CFAP47: variants seen among roughly 807,000 people sequenced by gnomAD.
CFAP47 encodes the protein cilia and flagella associated protein 47.
Under a neutral mutation model 148.1 loss-of-function variants are expected in CFAP47, and 29 were observed. That is an observed-to-expected ratio of 0.20 (90% CI 0.15 to 0.27). The LOEUF (loss-of-function observed/expected upper bound fraction) is 0.27, where lower values mean the gene tolerates loss of function less well. CFAP47 is among the 10% of genes least tolerant of loss of function. The pLI is 1.00. For synonymous variants in CFAP47, 664 were observed against 577.3 expected, an observed-to-expected ratio of 1.15 and a Z score of -2.15; for missense variants, 1,872 against 1,697.5, an observed-to-expected ratio of 1.10 and a Z score of -1.81.
chrX:35,981,104 A>G (rs1302312270), intron 15 of CFAP47, among the ~76,000 whole-genome samples: 1 of 109,966 alleles, frequency 9.1e-6, no homozygotes, highest in Non-Finnish European at 1.9e-5. Context: ...ACAAAGGAGG[A>G]AAAGGGGAGT....
At chrX:36,134,031 A>G (rs1270707696) in intron 33 of CFAP47, among the ~76,000 whole-genome samples, 2 of 110,685 alleles carry the variant, frequency 1.8e-5, no homozygotes, top group African/African-American at 6.5e-5. Context: ...AACAATTGGA[A>G]TTTAAAATAA....
chrX:36,225,490 T>TG (rs782233049), intron 45 of CFAP47, among the ~76,000 whole-genome samples: 1 of 111,359 alleles, frequency 9.0e-6, no homozygotes, highest in East Asian at 2.9e-4. Flanking sequence ...TGTTTAAACA[T>TG]GTGGATATGT....
Position 36,179,373 on chromosome X carries a change from G to A in CFAP47, c.6055G>A (p.Val2019Ile). 3.4e-6 allele frequency: 1 copy of A among 296,794 alleles called. No homozygotes were observed. Among genetic ancestry groups the A allele is most frequent in the African/African-American group, 2.7e-5 (1 of 36,951 alleles). 24.5% of individuals were successfully genotyped at this position (296,794 alleles called of 1,213,427 possible). ...SVILVESSTF[V>I]SSPTKLTESR... ...CATTTTGGTGGAATCCTCAACATTT[G>A]TCTCTTCGCCAACGAAGTTAACTGA... The change falls in exon 40 of 64, where the codon GTC becomes ATC. Residue 2019 changes from valine (V) to isoleucine (I), a missense_variant. Coordinates refer to ENST00000378653, the MANE Select transcript of CFAP47 (RefSeq NM_001304548.2).
intron 4 of CFAP47, among the ~76,000 whole-genome samples, chrX:35,949,002 T>A (rs1415895600): frequency 9.0e-6 from 1 of 110,736 alleles, no homozygotes; most frequent in African/African-American, 3.3e-5. Flanking sequence ...CCAAATGGAA[T>A]GTCTAGTTTG....
rs375059601 is a variant in CFAP47, at chrX:36,278,337, C to T, written c.7445-2150C>T. 5.3e-4 allele frequency among the ~76,000 whole-genome samples: 60 copies of T among 112,520 alleles called. No individual in the cohort carries two copies. In the East Asian group the frequency reaches 0.015, roughly 29 times the overall value. ...CCTGCCAGGCTGCTGCCTTGCAGGT[C>T]GATCTCAGACTGCTGCACTAGCAGT... On this transcript the variant is annotated intron_variant, in intron 49 of 63. Coordinates refer to ENST00000378653, the MANE Select transcript of CFAP47 (RefSeq NM_001304548.2).
chrX:36,126,278 G>C (rs1212650590), intron 33 of CFAP47, among the ~76,000 whole-genome samples: 1 of 109,680 alleles, frequency 9.1e-6, no homozygotes, highest in Non-Finnish European at 1.9e-5. Context: ...CCCGGTGTGT[G>C]ATGTTTCCCT....
At chrX:36,124,551 G>A (rs66871933) in intron 33 of CFAP47, among the ~76,000 whole-genome samples, 10,815 of 110,610 alleles carry the variant, frequency 0.098, 1,049 homozygotes, top group African/African-American at 0.3. Context: ...ATTATAACAG[G>A]GCAGCACTGA....
intron 37 of CFAP47, among the ~76,000 whole-genome samples, chrX:36,159,055 ATTT>A (rs758307554): frequency 9.8e-4 from 109 of 111,379 alleles, no homozygotes; most frequent in Non-Finnish European, 1.5e-3. Flanking sequence ...CATTTTTTGA[ATTT>A]TTACTTTCTT....
intron 49 of CFAP47, among the ~76,000 whole-genome samples, chrX:36,259,896 A>G (rs1238751161): frequency 9.0e-6 from 1 of 110,670 alleles, no homozygotes; most frequent in African/African-American, 3.3e-5. Flanking sequence ...CCCAGTGTCT[A>G]TTGCTCCCAT....
chrX:36,250,467 A>G (rs1940677897), intron 48 of CFAP47, among the ~76,000 whole-genome samples: 2 of 110,829 alleles, frequency 1.8e-5, no homozygotes, highest in Admixed American at 1.9e-4. Flanking sequence ...GATAGAAGAA[A>G]TAAGTTCAAG....
chrX:35,934,210 G>A lies in CFAP47; in HGVS notation c.402-7073G>A, dbSNP rs781116828. On this transcript the variant is annotated intron_variant, in intron 2 of 63. Coordinates refer to ENST00000378653, the MANE Select transcript of CFAP47 (RefSeq NM_001304548.2). ...GGGTACCATCCAGGAACAAGGGACT[G>A]GGGTAAAGTACCTTAGAAGTCTACC... 2.7e-5 allele frequency among the ~76,000 whole-genome samples: 3 copies of A among 111,056 alleles called. No homozygotes were observed. The South Asian group carries it at 1.2e-3, about 43-fold the overall frequency.
chrX:36,366,278 A>G (rs1941875057), intron 61 of CFAP47, among the ~76,000 whole-genome samples: 1 of 111,807 alleles, frequency 8.9e-6, no homozygotes, highest in South Asian at 3.7e-4. Flanking sequence ...ACAAGCAAAC[A>G]GATAACCATT....
chrX:36,236,625 G>C, intron 47 of CFAP47, 61 bp from the exon 48 acceptor site: 1 of 480,119 alleles, frequency 2.1e-6, no homozygotes, highest in Non-Finnish European at 3.7e-6. Context: ...TAAGATAGCA[G>C]AGGTTGTTTA....
chrX:36,334,466 C>T (rs1472667078), intron 57 of CFAP47, among the ~76,000 whole-genome samples: 9 of 111,489 alleles, frequency 8.1e-5, no homozygotes, highest in African/African-American at 2.9e-4. Flanking sequence ...TAAAGTTATA[C>T]AATTTTACTT....
In CFAP47 at chrX:36,059,898, C is replaced by T. The variant is rs142416027; in HGVS notation, c.4218-5745C>T. Among the ~76,000 whole-genome samples, 609 of 111,059 alleles carry T rather than the reference C, an allele frequency of 5.5e-3. 6 individuals are homozygous for T. Among genetic ancestry groups the T allele is most frequent in the African/African-American group, 0.019 (576 of 30,575 alleles). ...GTCCTTCAGGTAATGATTGAGTTCT[C>T]GCTCTGTTAGTACCCAGGATAGTTC... On this transcript the variant is annotated intron_variant, in intron 26 of 63. Transcript: ENST00000378653.
rs1556019213 is a variant in CFAP47, at chrX:36,361,391, T to C, written c.8913T>C (p.Ser2971=). Residue 2971 remains serine, a synonymous_variant, in exon 61 of 64, where the codon TCT becomes TCC. Coordinates refer to ENST00000378653, the MANE Select transcript of CFAP47 (RefSeq NM_001304548.2). The part of the protein sequence containing the change: ...EIQFESEAMK[S]KLESCVALYM... ...AATTTGAATCTGAAGCTATGAAGTC[T>C]AAGTTGGAATCCTGTGTAGCTTTAT... 18 of 1,113,401 alleles carry C rather than the reference T, an allele frequency of 1.6e-5. No individual in the cohort carries two copies. In the East Asian group the frequency reaches 5.7e-4, roughly 35 times the overall value. 91.8% of individuals were successfully genotyped at this position (1,113,401 alleles called of 1,213,427 possible).
intron 51 of CFAP47, among the ~76,000 whole-genome samples, chrX:36,287,591 C>T (rs1484758104): frequency 9.0e-6 from 1 of 111,188 alleles, no homozygotes. Flanking sequence ...TAACACATGA[C>T]AGCTGCTAGA....
At chrX:36,065,513 C>T in intron 26 of CFAP47, 130 bp from the exon 27 acceptor site, 5 of 430,624 alleles carry the variant, frequency 1.2e-5, no homozygotes, top group Non-Finnish European at 2.0e-5. Flanking sequence ...GTTAAAAAAA[C>T]AAAGTAAGTA....
At chrX:36,221,493 A>C (rs781980085) in intron 45 of CFAP47, among the ~76,000 whole-genome samples, 6 of 111,646 alleles carry the variant, frequency 5.4e-5, no homozygotes, top group Non-Finnish European at 9.4e-5. Context: ...AAATGGGATA[A>C]AGTGTGGCAA....
Sources: gnomAD v4.1 joint callset for allele counts (sites outside exome capture counted in the v4.1 genomes callset) on GRCh38, gnomAD v4.1.1 for gene constraint, MANE v1.5 for transcripts, NCBI Gene and HGNC (gene_info 2026-07-23, HGNC 2026-07-21) for gene names.